C6: variants seen among roughly 807,000 people sequenced by gnomAD.
C6 encodes complement C6.
In C6, 101 loss-of-function variants were observed where a neutral mutation model predicts 112.9. The ratio of observed to expected loss-of-function variants is 0.89; its 90% CI spans 0.76 to 1.06. The LOEUF (loss-of-function observed/expected upper bound fraction) is 1.06, where lower values mean the gene tolerates loss of function less well. C6 is among the 50% of genes least tolerant of loss of function. C6 has a pLI of 0.00. For missense variants in C6, 1,202 were observed against 1,104.6 expected (o/e 1.09, Z -1.25); for synonymous variants, 431 against 384.1 (o/e 1.12, Z -1.43).
chr5:41,242,129 A>T (rs924875126), intron 1 of C6, among the ~76,000 whole-genome samples: 1 of 152,196 alleles, frequency 6.6e-6, no homozygotes, highest in Non-Finnish European at 1.5e-5. Context: ...TTTTTGGACT[A>T]TGATATGGTT....
At chr5:41,217,543 T>C (rs551727026), upstream of C6, among the ~76,000 whole-genome samples, 130 of 152,286 alleles carry the variant, frequency 8.5e-4, 2 homozygotes, top group South Asian at 0.016. Flanking sequence ...ATCTTTCATA[T>C]AGCAAAATGC....
chr5:41,176,855 C>A, intron 7 of C6, 140 bp from the exon 8 acceptor site: 1 of 833,828 alleles, frequency 1.2e-6, no homozygotes, highest in South Asian at 1.7e-5. Flanking sequence ...TGCATGTTCT[C>A]ACGTACAAAA....
At chr5:41,208,142 G>T (rs1204195997) in intron 1 of C6, among the ~76,000 whole-genome samples, 4 of 152,118 alleles carry the variant, frequency 2.6e-5, no homozygotes, top group Admixed American at 2.6e-4. Flanking sequence ...ACGAAATGAA[G>T]CCAGAAATAA....
At chr5:41,189,420 T>TA (rs1750028779) in intron 5 of C6, among the ~76,000 whole-genome samples, 1 of 152,084 alleles carries the variant, frequency 6.6e-6, no homozygotes. Context: ...GATAGAATGA[T>TA]ACAATGGGTT....
At chr5:41,185,365 T>A (rs2150332481) in intron 6 of C6, among the ~76,000 whole-genome samples, 1 of 152,336 alleles carries the variant, frequency 6.6e-6, no homozygotes. Context: ...TTCTCAGAAA[T>A]AATTACAACT....
At chr5:41,161,582 G>A (rs963235511) in intron 10 of C6, 111 bp downstream of exon 10, 4 of 891,048 alleles carry the variant, frequency 4.5e-6, no homozygotes, top group Middle Eastern at 2.2e-4. Context: ...CTAAAGAAAG[G>A]CATTTCTTTC....
intron 9 of C6, 130 bp downstream of exon 9, chr5:41,172,094 CA>C (rs1005509936): frequency 2.1e-6 from 2 of 952,048 alleles, no homozygotes; most frequent in African/African-American, 3.2e-5. Flanking sequence ...TATTCCAACA[CA>C]CAGGGTTCTG....
chr5:41,159,312 A>G (rs970481118), intron 11 of C6, 59 bp from the exon 12 acceptor site: 9 of 1,582,228 alleles, frequency 5.7e-6, no homozygotes, highest in Non-Finnish European at 7.7e-6. Context: ...TGGGTTTGGA[A>G]GTGAGGCCAA....
intron 5 of C6, among the ~76,000 whole-genome samples, chr5:41,190,313 G>A (rs1216561057): frequency 2.0e-5 from 3 of 152,120 alleles, no homozygotes; most frequent in Non-Finnish European, 4.4e-5. Flanking sequence ...TTCAACTGTA[G>A]TGAGATGATA....
intron 7 of C6, among the ~76,000 whole-genome samples, chr5:41,179,774 T>G (rs1457499187): frequency 1.3e-5 from 2 of 151,072 alleles, no homozygotes; most frequent in African/African-American, 4.8e-5. Flanking sequence ...TCACCAGAAC[T>G]GTGTTCTTTC....
At chr5:41,167,579 C>G (rs1748087615) in intron 9 of C6, among the ~76,000 whole-genome samples, 1 of 151,888 alleles carries the variant, frequency 6.6e-6, no homozygotes, top group Non-Finnish European at 1.5e-5. Context: ...AGAGGCTCTG[C>G]AATAAGTTAA....
chr5:41,225,712 C>G (rs1354640907), intron 1 of C6, among the ~76,000 whole-genome samples: 2 of 152,154 alleles, frequency 1.3e-5, no homozygotes, highest in African/African-American at 4.8e-5. Context: ...TGTTTCTCCA[C>G]ATCCTCTCCC....
Position 41,203,287 on chromosome 5 carries a change from T to A in C6, c.-20-37A>T, listed in dbSNP as rs1751180284. On this transcript the variant is annotated intron_variant, in intron 1 of 17. Coordinates refer to ENST00000337836, the MANE Select transcript of C6 (RefSeq NM_000065.5). ...GAATACATAACACATATCAAATGCTTTTTTGAGGTAAACCTTCACAAGTCA... is the reference window on the plus strand; with the variant it reads ...GAATACATAACACATATCAAATGCTATTTTGAGGTAAACCTTCACAAGTCA... The A allele has an allele frequency of 2.5e-6, 4 of 1,602,706 alleles. No individual in the cohort carries two copies. The South Asian group carries it at 4.4e-5, about 18-fold the overall frequency.
At chr5:41,198,299 A>G (rs931646323) in intron 4 of C6, among the ~76,000 whole-genome samples, 2 of 152,038 alleles carry the variant, frequency 1.3e-5, no homozygotes, top group Non-Finnish European at 2.9e-5. Context: ...TCATTCATAA[A>G]CCTCTTACTC....
At chr5:41,177,985 G>A (rs556500985) in intron 7 of C6, among the ~76,000 whole-genome samples, 4 of 152,240 alleles carry the variant, frequency 2.6e-5, no homozygotes, top group Admixed American at 6.5e-5. Flanking sequence ...TATCTGAACT[G>A]CCCTTTCTGG....
intron 9 of C6, among the ~76,000 whole-genome samples, chr5:41,164,787 A>G (rs997854726): frequency 6.6e-6 from 1 of 152,180 alleles, no homozygotes; most frequent in African/African-American, 2.4e-5. Context: ...TCAGTTTCCT[A>G]AGTTGCCCTG....
intron 1 of C6, among the ~76,000 whole-genome samples, chr5:41,206,822 A>G (rs924622527): frequency 6.6e-6 from 1 of 152,240 alleles, no homozygotes; most frequent in Non-Finnish European, 1.5e-5. Flanking sequence ...ATCCAGGAGA[A>G]CTTCCCCAAC....
upstream of C6, among the ~76,000 whole-genome samples, chr5:41,214,126 A>G (rs1371437341): frequency 6.6e-6 from 1 of 152,168 alleles, no homozygotes; most frequent in Non-Finnish European, 1.5e-5. Flanking sequence ...ATAGTGCAAT[A>G]GAAAAGAAAA....
At chr5:41,146,552 A>G (rs1745845867) in intron 17 of C6, among the ~76,000 whole-genome samples, 1 of 152,214 alleles carries the variant, frequency 6.6e-6, no homozygotes. Context: ...CCTCTGTGAC[A>G]TTTACTTTTG....
Sources: gnomAD v4.1 joint callset for allele counts (sites outside exome capture counted in the v4.1 genomes callset) on GRCh38, gnomAD v4.1.1 for gene constraint, MANE v1.5 for transcripts, NCBI Gene and HGNC (gene_info 2026-07-23, HGNC 2026-07-21) for gene names.